Variants in MACROD2 observed in about 807,000 individuals in gnomAD.
MACROD2 encodes the protein mono-ADP ribosylhydrolase 2.
MACROD2 carries 36 observed loss-of-function variants against 70.4 expected under a neutral mutation model. The observed-to-expected ratio is 0.51, with a 90% CI of 0.39 to 0.68. The LOEUF is 0.68. Ranked by LOEUF, MACROD2 falls within the 30% of genes least tolerant of loss-of-function variation. The pLI is 0.00. For missense variants in MACROD2, 496 were observed against 538.4 expected, an observed-to-expected ratio of 0.92 and a Z score of 0.78; for synonymous variants, 172 against 178.8, an observed-to-expected ratio of 0.96 and a Z score of 0.30.
chr20:14,689,314 T>C (rs1459619519), intron 5 of MACROD2, among the ~76,000 whole-genome samples: 1 of 152,232 alleles, frequency 6.6e-6, no homozygotes, highest in Non-Finnish European at 1.5e-5. Context: ...TACTTATTTC[T>C]TTTGTTTCTT....
At chr20:14,443,897 C>T (rs912319069) in intron 3 of MACROD2, among the ~76,000 whole-genome samples, 1 of 152,116 alleles carries the variant, frequency 6.6e-6, no homozygotes, top group African/African-American at 2.4e-5. Flanking sequence ...ATTTAAAGCA[C>T]TTAGCACATT....
intron 6 of MACROD2, among the ~76,000 whole-genome samples, chr20:15,280,048 C>T (rs1199839148): frequency 6.6e-6 from 1 of 152,128 alleles, no homozygotes; most frequent in Non-Finnish European, 1.5e-5. Context: ...GTTTTCAAAG[C>T]CCAGAAATCT....
At chr20:15,810,607 A>C (rs1040473198) in intron 8 of MACROD2, among the ~76,000 whole-genome samples, 1 of 152,214 alleles carries the variant, frequency 6.6e-6, no homozygotes, top group African/African-American at 2.4e-5. Context: ...ATATGGCACC[A>C]AAAAAGAGCC....
chr20:15,503,152 G>A (rs1261067579), intron 8 of MACROD2, among the ~76,000 whole-genome samples: 5 of 152,170 alleles, frequency 3.3e-5, no homozygotes, highest in Non-Finnish European at 7.3e-5. Context: ...AAAAAGAGAA[G>A]AATCAAGGAT....
intron 4 of MACROD2, among the ~76,000 whole-genome samples, chr20:14,594,274 C>A (rs1263147664): frequency 2.6e-5 from 4 of 152,118 alleles, no homozygotes; most frequent in Non-Finnish European, 2.9e-5. Context: ...CTTATATTTT[C>A]TCTCACTTAA....
At chr20:15,632,039 C>T (rs551128735) in intron 8 of MACROD2, among the ~76,000 whole-genome samples, 3 of 151,678 alleles carry the variant, frequency 2.0e-5, no homozygotes, top group South Asian at 2.1e-4. Context: ...CTAGGGAGGC[C>T]GAGGCAGGAG....
At chr20:14,643,447 G>A (rs539134194) in intron 4 of MACROD2, among the ~76,000 whole-genome samples, 18 of 152,118 alleles carry the variant, frequency 1.2e-4, no homozygotes, top group Admixed American at 4.6e-4. Context: ...TTGTTTACTA[G>A]TGCAAATGGC....
chr20:14,530,748 T>A (rs1385082992), intron 4 of MACROD2, among the ~76,000 whole-genome samples: 2 of 152,220 alleles, frequency 1.3e-5, no homozygotes, highest in African/African-American at 4.8e-5. Context: ...AAATAATTTA[T>A]CTTAAATTTT....
chr20:14,547,586 G>T, intron 4 of MACROD2: 2 of 154,540 alleles, frequency 1.3e-5, no homozygotes, highest in South Asian at 4.1e-4. Context: ...AGCCTGGTGG[G>T]ACTGAGATAC....
At chr20:15,317,828 G>C (rs2146164459) in intron 6 of MACROD2, among the ~76,000 whole-genome samples, 2 of 152,084 alleles carry the variant, frequency 1.3e-5, no homozygotes, top group Middle Eastern at 3.4e-3. Flanking sequence ...CATTAGGGAG[G>C]AAGGACAGTC....
intron 5 of MACROD2, among the ~76,000 whole-genome samples, chr20:15,033,451 T>A (rs6043068): frequency 0.18 from 26,880 of 152,144 alleles, 5,732 homozygotes; most frequent in African/African-American, 0.52. Flanking sequence ...GGTGTAATTT[T>A]GTCCTGCTGC....
intron 7 of MACROD2, among the ~76,000 whole-genome samples, chr20:15,452,310 A>G (rs970134163): frequency 2.6e-5 from 4 of 152,164 alleles, no homozygotes; most frequent in Non-Finnish European, 4.4e-5. Context: ...GTCACAGCCT[A>G]TAGCAAATTA....
At chr20:14,646,174 T>A (rs1235038317) in intron 4 of MACROD2, among the ~76,000 whole-genome samples, 1 of 151,922 alleles carries the variant, frequency 6.6e-6, no homozygotes, top group Non-Finnish European at 1.5e-5. Flanking sequence ...CCTTGATGAA[T>A]TACAATGCAA....
At chr20:14,125,128 G>A (rs2054632262) in intron 3 of MACROD2, among the ~76,000 whole-genome samples, 4 of 152,156 alleles carry the variant, frequency 2.6e-5, no homozygotes, top group African/African-American at 7.2e-5. Context: ...CAAAATGGTA[G>A]TAGCCAGGGG....
intron 5 of MACROD2, among the ~76,000 whole-genome samples, chr20:14,829,606 A>G (rs1249226142): frequency 2.0e-5 from 3 of 152,036 alleles, no homozygotes; most frequent in Non-Finnish European, 2.9e-5. Flanking sequence ...GAGCAGTACC[A>G]TATTTAGAAT....
At chr20:15,965,193 G>A (rs933172803) in intron 12 of MACROD2, among the ~76,000 whole-genome samples, 7 of 152,098 alleles carry the variant, frequency 4.6e-5, no homozygotes, top group African/African-American at 1.4e-4. Context: ...TATCTTGGAC[G>A]CAATGAAATG....
At chr20:16,024,384 CT>C (rs2067047216) in intron 15 of MACROD2, among the ~76,000 whole-genome samples, 2 of 152,098 alleles carry the variant, frequency 1.3e-5, no homozygotes, top group South Asian at 4.2e-4. Context: ...GAAAAAATGT[CT>C]TCAAAACAAT....
At chr20:15,486,733 G>A (rs1179760450) in intron 7 of MACROD2, among the ~76,000 whole-genome samples, 1 of 152,134 alleles carries the variant, frequency 6.6e-6, no homozygotes, top group Non-Finnish European at 1.5e-5. Context: ...TTCCAAAGGT[G>A]GCAAAGACCT....
At chr20:15,062,584 T>C (rs774701230) in intron 5 of MACROD2, among the ~76,000 whole-genome samples, 1 of 152,184 alleles carries the variant, frequency 6.6e-6, no homozygotes, top group Non-Finnish European at 1.5e-5. Flanking sequence ...GCTCCCGAAC[T>C]GAGCTAAAGT....
Sources: allele counts gnomAD v4.1 joint callset (sites outside exome capture counted in the v4.1 genomes callset), GRCh38; gene constraint gnomAD v4.1.1; transcripts MANE v1.5; gene names NCBI Gene and HGNC (gene_info 2026-07-23, HGNC 2026-07-21).